Variants in MME observed in about 807,000 individuals in gnomAD.
MME encodes neprilysin.
MME carries 98 observed loss-of-function variants against 113.2 expected under a neutral mutation model. That is an observed-to-expected ratio of 0.87 (90% confidence interval 0.74 to 1.02). MME has a LOEUF of 1.02. MME is among the 50% of genes least tolerant of loss of function. MME has a pLI of 0.00. For synonymous variants in MME, 292 were observed against 300.6 expected, an observed-to-expected ratio of 0.97 and a Z score of 0.30; for missense variants, 836 against 896.0, an observed-to-expected ratio of 0.93 and a Z score of 0.86.
chr3:155,113,972 G>A lies in MME; in HGVS notation c.197-1022G>A, dbSNP rs1341492421. On this transcript the variant is annotated intron_variant, in intron 3 of 22. Transcript: ENST00000360490. The stretch of plus-strand genomic sequence containing the variant: ...AAGTGGTTCAATGGGGGGGCTTGAG[G>A]CTCAGCTGGAAACCATGTTTACCAT... 2.0e-5 allele frequency among the ~76,000 whole-genome samples: 3 copies of A among 152,208 alleles called. No individual in the cohort carries two copies. The East Asian group carries it at 5.8e-4, about 29-fold the overall frequency.
chr3:155,089,648 A>G (rs1716105172), intron 3 of MME, among the ~76,000 whole-genome samples: 2 of 152,202 alleles, frequency 1.3e-5, no homozygotes, highest in Admixed American at 1.3e-4. Flanking sequence ...AGGCAGGATA[A>G]TGGCCTCTCA....
At chr3:155,144,270 T>A (rs1318960793) in intron 13 of MME, 89 bp from the exon 14 acceptor site, 8 of 884,160 alleles carry the variant, frequency 9.0e-6, no homozygotes, top group African/African-American at 3.3e-5. Flanking sequence ...TATTAAGTCA[T>A]ACAAAGATAG....
chr3:155,142,192 C>A, intron 11 of MME, 45 bp from the exon 12 acceptor site: 1 of 1,612,246 alleles, frequency 6.2e-7, no homozygotes, highest in Non-Finnish European at 8.5e-7. Flanking sequence ...AGAAGCTTTG[C>A]AGCCTCATCT....
rs1374579893 is a variant in MME at position 155,180,351 on chromosome 3, G to A, written c.2154-9G>A. ...ATGCTGACGGTGACTTTTTTTGTTT[G>A]TTTCAAAGGATTATTGGGACTTTGC... On this transcript the variant is annotated splice_polypyrimidine_tract_variant and intron_variant, in intron 22 of 22. Transcript: ENST00000360490. 1.9e-6 allele frequency: 3 copies of A among 1,610,796 alleles called. No homozygotes were observed. The highest frequency in any genetic ancestry group is 1.3e-5 in the African/African-American group (1 of 74,778).
Position 155,134,598 on chromosome 3 carries a change from C to A in MME, c.721-3504C>A, listed in dbSNP as rs187885513. On this transcript the variant is annotated intron_variant, in intron 8 of 22. Coordinates refer to ENST00000360490, the MANE Select transcript of MME (RefSeq NM_007289.4). ...CTATTGTGAGTAGTGCTGTGATTAACAAATGAGTGCATAAGTCTTTGGTAG... is the reference window on the plus strand; with the variant it reads ...CTATTGTGAGTAGTGCTGTGATTAAAAAATGAGTGCATAAGTCTTTGGTAG... 1.1e-4 allele frequency among the ~76,000 whole-genome samples: 17 copies of A among 152,274 alleles called. No homozygotes were observed. The East Asian group carries it at 3.3e-3, about 29-fold the overall frequency.
At chr3:155,033,451 A>G (rs1000755964) in intron 1 of MME, among the ~76,000 whole-genome samples, 2 of 152,188 alleles carry the variant, frequency 1.3e-5, no homozygotes, top group African/African-American at 4.8e-5. Flanking sequence ...ATTCAAAACT[A>G]TGGTGGAAAC....
At chr3:155,027,197 G>A (rs985509406) in intron 1 of MME, among the ~76,000 whole-genome samples, 5 of 152,124 alleles carry the variant, frequency 3.3e-5, no homozygotes, top group African/African-American at 1.2e-4. Flanking sequence ...TTTCAGAACT[G>A]CCCTGAGTCA....
At chr3:155,063,685 A>ATAT (rs1252818729) in intron 1 of MME, among the ~76,000 whole-genome samples, 2 of 132,454 alleles carry the variant, frequency 1.5e-5, no homozygotes, top group African/African-American at 5.6e-5. Flanking sequence ...ATATTATATT[A>ATAT]TATTATATTA....
chr3:155,175,510 T>C (rs1712426731), intron 22 of MME, among the ~76,000 whole-genome samples: 1 of 151,880 alleles, frequency 6.6e-6, no homozygotes, highest in African/African-American at 2.4e-5. Context: ...ATATTTATTA[T>C]AATATTTATA....
rs143210378 is a variant in MME, at chr3:155,179,636, T to G, written c.2154-724T>G. Reference sequence around the variant, plus strand: ...AGAAGGGAAGGAGGTGGTTCAGGGTTCAGGGTGGGTGTGAAAACATCACCT... The same window carrying G: ...AGAAGGGAAGGAGGTGGTTCAGGGTGCAGGGTGGGTGTGAAAACATCACCT... On this transcript the variant is annotated intron_variant, in intron 22 of 22. Transcript: ENST00000360490. Among the ~76,000 whole-genome samples, 171 of 152,258 alleles carry G rather than the reference T, an allele frequency of 1.1e-3. 1 individual carries two copies. Among genetic ancestry groups the G allele is most frequent in the African/African-American group, 4.0e-3 (166 of 41,552 alleles).
At chr3:155,110,280 C>T (rs963273275) in intron 3 of MME, among the ~76,000 whole-genome samples, 14 of 152,084 alleles carry the variant, frequency 9.2e-5, no homozygotes, top group African/African-American at 3.4e-4. Context: ...TAAGTGCAAG[C>T]CTTGGGGCCC....
intron 3 of MME, among the ~76,000 whole-genome samples, chr3:155,106,473 GT>G (rs1717698492): frequency 6.6e-6 from 1 of 152,102 alleles, no homozygotes; most frequent in Non-Finnish European, 1.5e-5. Context: ...AAGCCATTTG[GT>G]TTTTATTAGC....
At chr3:155,149,505 G>A (rs1721764312) in intron 16 of MME, among the ~76,000 whole-genome samples, 3 of 152,078 alleles carry the variant, frequency 2.0e-5, no homozygotes, top group South Asian at 4.1e-4. Flanking sequence ...TTTCATTCAT[G>A]CATTCATTTA....
At chr3:155,173,199 CCAA>C (rs142803872) in intron 22 of MME, among the ~76,000 whole-genome samples, 84 of 152,088 alleles carry the variant, frequency 5.5e-4, no homozygotes, top group African/African-American at 1.9e-3. Flanking sequence ...GTCACTCCAA[CCAA>C]CATTTGAATG....
At chr3:155,052,853 A>G (rs1011844218) in intron 1 of MME, among the ~76,000 whole-genome samples, 1 of 152,154 alleles carries the variant, frequency 6.6e-6, no homozygotes, top group African/African-American at 2.4e-5. Context: ...ATCAGGCTGC[A>G]AATTTTCCAA....
chr3:155,173,856 G>C (rs532552219), intron 22 of MME, among the ~76,000 whole-genome samples: 1 of 152,074 alleles, frequency 6.6e-6, no homozygotes, highest in African/African-American at 2.4e-5. Flanking sequence ...AGAAACACTT[G>C]AGTTCCAACC....
At chr3:155,146,081 G>A (rs561129899) in intron 14 of MME, among the ~76,000 whole-genome samples, 39 of 151,998 alleles carry the variant, frequency 2.6e-4, no homozygotes, top group African/African-American at 8.4e-4. Flanking sequence ...AGAGTGATAC[G>A]AAGTGGTAAA....
Position 155,180,425 on chromosome 3 carries a change from A to G in MME, c.2219A>G (p.Tyr740Cys), listed in dbSNP as rs1397959837. The change falls in exon 23 of 23, where the codon TAC becomes TGC. Residue 740 changes from tyrosine (Y) to cysteine (C), a missense_variant. Tyr to Cys is a radical substitution (Grantham distance 194). Coordinates refer to ENST00000360490, the MANE Select transcript of MME (RefSeq NM_007289.4). ...GCCTTTCACTGCCGCAAGAATTCAT[A>G]CATGAATCCAGAAAAGAAGTGCCGG... ...SEAFHCRKNS[Y>C]MNPEKKCRVW The G allele has an allele frequency of 6.2e-7, 1 of 1,613,562 alleles. No homozygotes were observed. The highest frequency in any genetic ancestry group is 8.5e-7 in the Non-Finnish European group (1 of 1,179,554).
At chr3:155,038,363 C>T (rs1713194912) in intron 1 of MME, among the ~76,000 whole-genome samples, 1 of 152,156 alleles carries the variant, frequency 6.6e-6, no homozygotes, top group Non-Finnish European at 1.5e-5. Flanking sequence ...CTCTCTGAAG[C>T]CTTGCCCACC....
Sources: allele counts gnomAD v4.1 joint callset (sites outside exome capture counted in the v4.1 genomes callset), GRCh38; gene constraint gnomAD v4.1.1; transcripts MANE v1.5; gene names NCBI Gene and HGNC (gene_info 2026-07-23, HGNC 2026-07-21).